Variants in NSMAF observed in about 807,000 individuals in gnomAD.
The protein encoded by NSMAF is neutral sphingomyelinase activation associated factor.
A neutral mutation model predicts 134.9 loss-of-function variants in NSMAF; 90 were observed. The observed-to-expected ratio is 0.67, with a 90% CI of 0.56 to 0.79. The LOEUF is 0.79. Among genes scored for constraint, NSMAF ranks in the 30% least tolerant of loss-of-function variants. The pLI, the probability that NSMAF is intolerant of heterozygous loss-of-function variation, is 0.00. For synonymous variants in NSMAF, 358 were observed against 389.6 expected (o/e 0.92, Z 0.96); for missense variants, 1,010 against 1,119.0 (o/e 0.90, Z 1.39).
chr8:58,602,686 C>T (rs569205944), intron 13 of NSMAF, among the ~76,000 whole-genome samples: 34 of 152,172 alleles, frequency 2.2e-4, no homozygotes, highest in Non-Finnish European at 3.7e-4. Flanking sequence ...AATAAAGTTA[C>T]AATACAATTA....
In NSMAF at chr8:58,585,748, C is replaced by T; in HGVS notation, c.2563G>A (p.Asp855Asn). ...SDEPQRCFVW[D>N]GNSVLSGSQS... Reference sequence around the variant, plus strand: ...CTGCCAGATAAAACGGAATTTCCATCCCAGACAAAGCACCTGCAAGAATGA... The same window carrying T: ...CTGCCAGATAAAACGGAATTTCCATTCCAGACAAAGCACCTGCAAGAATGA... The change falls in exon 30 of 31, where the codon GAT (aspartate) becomes AAT (asparagine). Residue 855 changes from aspartate (D) to asparagine (N), a missense_variant. Transcript: ENST00000038176. 6.2e-7 allele frequency: 1 copy of T among 1,614,048 alleles called. No individual in the cohort carries two copies. The highest frequency in any genetic ancestry group is 2.2e-5 in the East Asian group (1 of 44,888).
intron 21 of NSMAF, among the ~76,000 whole-genome samples, chr8:58,597,029 G>C (rs1310978157): frequency 3.9e-5 from 6 of 152,248 alleles, no homozygotes; most frequent in South Asian, 2.1e-4. Flanking sequence ...ACAGTGACTG[G>C]GAAGGCAGAC....
rs1805830901 is a variant in NSMAF at position 58,584,156 on chromosome 8, T to A, written c.2704A>T (p.Ile902Phe). The change falls in exon 31 of 31, where the codon ATC (isoleucine) becomes TTC (phenylalanine). Residue 902 changes from isoleucine (I) to phenylalanine (F), a missense_variant. Ile to Phe is a conservative substitution (Grantham distance 21, BLOSUM62 0). Coordinates refer to ENST00000038176, the MANE Select transcript of NSMAF (RefSeq NM_003580.4). ...ATTTGTCTGTCTTCCCCTCCTGTGA[T>A]GATACTGCTACACTGTTCATTCATC... ...IWMNEQCSSI[I>F]TGGEDRQIIF... The A allele has an allele frequency of 1.2e-6, 2 of 1,613,700 alleles. No homozygotes were observed. The highest frequency in any genetic ancestry group is 1.7e-6 in the Non-Finnish European group (2 of 1,179,742).
At chr8:58,590,647 G>A (rs535766580) in intron 24 of NSMAF, among the ~76,000 whole-genome samples, 3 of 152,272 alleles carry the variant, frequency 2.0e-5, no homozygotes, top group Admixed American at 2.0e-4. Flanking sequence ...AGCTCTCCAA[G>A]TATTTTAAGC....
At position 58,586,539 on chromosome 8, in the gene NSMAF, T is replaced by C; in HGVS notation, c.2365A>G (p.Ile789Val). 6.2e-7 allele frequency: 1 copy of C among 1,613,962 alleles called. No homozygotes were observed. The highest frequency in any genetic ancestry group is 1.7e-5 in the Admixed American group (1 of 60,022). Residue 789 changes from isoleucine to valine, a missense_variant, in exon 28 of 31, where the codon ATT (isoleucine) becomes GTT (valine). By Grantham distance (29) the Ile-to-Val change is conservative (BLOSUM62 3). Transcript: ENST00000038176. ...VSGTKEGTVN[I>V]WDLTTATLMH... ...AAGGTGGCCGTTGTGAGGTCCCAAA[T>C]ATTCACTGTGCCTTCTTTGGTGCCG...
intron 16 of NSMAF, 152 bp from the exon 17 acceptor site, chr8:58,600,173 T>C: frequency 1.6e-6 from 1 of 633,644 alleles, no homozygotes; most frequent in East Asian, 2.7e-5. Flanking sequence ...AGTGTCCCAC[T>C]TTAACAAAAG....
chr8:58,644,949 C>T (rs942476544), intron 1 of NSMAF, among the ~76,000 whole-genome samples: 3 of 152,036 alleles, frequency 2.0e-5, no homozygotes, highest in East Asian at 1.9e-4. Context: ...ACATCACACA[C>T]GGGGACCTGT....
intron 10 of NSMAF, among the ~76,000 whole-genome samples, chr8:58,609,137 C>T (rs1174705154): frequency 1.3e-5 from 2 of 152,218 alleles, no homozygotes; most frequent in Non-Finnish European, 2.9e-5. Flanking sequence ...GGAGGACCTG[C>T]TCATAGTGCT....
intron 1 of NSMAF, among the ~76,000 whole-genome samples, chr8:58,656,822 T>C (rs1807725754): frequency 1.3e-5 from 2 of 152,082 alleles, no homozygotes; most frequent in Non-Finnish European, 2.9e-5. Context: ...AGAGCGAGAC[T>C]CTGTCTCAAA....
intron 11 of NSMAF, 132 bp downstream of exon 11, chr8:58,607,637 A>G: frequency 2.9e-6 from 2 of 688,504 alleles, no homozygotes; most frequent in Admixed American, 2.3e-5. Flanking sequence ...GAACAGCAAA[A>G]TCAGAGTCTA....
chr8:58,612,117 A>G (rs1236881566), intron 9 of NSMAF, among the ~76,000 whole-genome samples: 2 of 152,142 alleles, frequency 1.3e-5, no homozygotes, highest in African/African-American at 4.8e-5. Flanking sequence ...GAGTTACAGA[A>G]GCATCTTTTG....
chr8:58,651,938 A>G (rs1441641877), intron 1 of NSMAF, among the ~76,000 whole-genome samples: 1 of 152,204 alleles, frequency 6.6e-6, no homozygotes, highest in African/African-American at 2.4e-5. Flanking sequence ...TATCTACATA[A>G]AACAGGCTTC....
chr8:58,639,371 C>T (rs1228879264), intron 2 of NSMAF, among the ~76,000 whole-genome samples: 1 of 151,946 alleles, frequency 6.6e-6, no homozygotes, highest in Non-Finnish European at 1.5e-5. Context: ...CAGCCTTAAT[C>T]ATCAGAGAAA....
intron 6 of NSMAF, among the ~76,000 whole-genome samples, chr8:58,630,318 T>A (rs375723017): frequency 7.1e-6 from 1 of 141,740 alleles, no homozygotes; most frequent in Non-Finnish European, 1.6e-5. Context: ...CACCTCACCC[T>A]TTTTTTTTTT....
Position 58,585,938 on chromosome 8 carries a change from C to T in NSMAF, c.2509G>A (p.Gly837Arg). 6.2e-7 allele frequency: 1 copy of T among 1,614,024 alleles called. No individual in the cohort carries two copies. Among genetic ancestry groups the T allele is most frequent in the Non-Finnish European group, 8.5e-7 (1 of 1,179,958 alleles). The change falls in exon 29 of 31, where the codon GGA (glycine) becomes AGA (arginine). Residue 837 changes from glycine to arginine, a missense_variant. Physicochemically the swap from Gly to Arg is moderately radical, Grantham distance 125 (BLOSUM62 -2). Coordinates refer to ENST00000038176, the MANE Select transcript of NSMAF (RefSeq NM_003580.4). ...GATGTCATGGAGGAGATGAGCATTC[C>T]TGTCTGCACATCAATGACATTAAGA... ...GCLNVIDVQT[G>R]MLISSMTSDE...
chr8:58,607,161 A>G (rs10093782), intron 11 of NSMAF, among the ~76,000 whole-genome samples: 8,055 of 152,302 alleles, frequency 0.053, 547 homozygotes, highest in East Asian at 0.2. Context: ...ATGAATTTCT[A>G]TTGGTGTCGA....
At chr8:58,600,421 A>G (rs1211544552) in intron 16 of NSMAF, among the ~76,000 whole-genome samples, 3 of 151,968 alleles carry the variant, frequency 2.0e-5, no homozygotes, top group Non-Finnish European at 2.9e-5. Context: ...TCAGGAGATC[A>G]AGACCATCCT....
chr8:58,585,435 T>G (rs1805860421), intron 30 of NSMAF, among the ~76,000 whole-genome samples: 1 of 152,106 alleles, frequency 6.6e-6, no homozygotes, highest in African/African-American at 2.4e-5. Flanking sequence ...AAAGACTTCC[T>G]TTTTGGAGTC....
intron 1 of NSMAF, among the ~76,000 whole-genome samples, chr8:58,650,019 A>T (rs1807547810): frequency 6.6e-6 from 1 of 152,310 alleles, no homozygotes. Context: ...AAGTTCCTAG[A>T]TCATTGAAAT....
Sources: gnomAD v4.1 joint callset for allele counts (sites outside exome capture counted in the v4.1 genomes callset) on GRCh38, gnomAD v4.1.1 for gene constraint, MANE v1.5 for transcripts, NCBI Gene and HGNC (gene_info 2026-07-23, HGNC 2026-07-21) for gene names.